The following IPCEF1 variants were observed in gnomAD, a reference collection of about 807,000 sequenced individuals.
The protein encoded by IPCEF1 is interactor protein for cytohesin exchange factors 1.
IPCEF1 carries 31 observed loss-of-function variants against 50.9 expected under a neutral mutation model. That is an observed-to-expected ratio of 0.61 (90% CI 0.46 to 0.82). IPCEF1 has a LOEUF of 0.82. IPCEF1 is among the 40% of genes least tolerant of loss of function. The pLI, the probability that IPCEF1 is intolerant of heterozygous loss-of-function variation, is 0.00. For synonymous variants in IPCEF1, 181 were observed against 192.0 expected (o/e 0.94, Z 0.47); for missense variants, 458 against 514.0 (o/e 0.89, Z 1.05).
At chr6:154,353,293 C>CTTTTTTTT (rs914097422) in intron 1 of IPCEF1, among the ~76,000 whole-genome samples, 6 of 127,858 alleles carry the variant, frequency 4.7e-5, no homozygotes, top group East Asian at 2.2e-4. Flanking sequence ...TTTCCTTTTC[C>CTTTTTTTT]TTTTTTTTTT....
At chr6:154,227,554 G>A (rs1188787971) in intron 5 of IPCEF1, among the ~76,000 whole-genome samples, 1 of 151,936 alleles carries the variant, frequency 6.6e-6, no homozygotes, top group African/African-American at 2.4e-5. Flanking sequence ...TCCCATCTCT[G>A]CAAAAGTATA....
intron 1 of IPCEF1, among the ~76,000 whole-genome samples, chr6:154,332,311 T>C (rs1227636820): frequency 3.3e-5 from 5 of 151,692 alleles, no homozygotes; most frequent in Non-Finnish European, 5.9e-5. Context: ...TTTTTACTGT[T>C]TTTTTAGAGA....
At chr6:154,289,511 T>C (rs1782457723) in intron 2 of IPCEF1, among the ~76,000 whole-genome samples, 1 of 151,602 alleles carries the variant, frequency 6.6e-6, no homozygotes, top group Non-Finnish European at 1.5e-5. Context: ...ATTCTCCCAC[T>C]GAAAAATAAT....
rs762062923 is a variant in IPCEF1, at chr6:154,199,942, A to C, written c.636T>G (p.Pro212=). 3 of 1,614,212 alleles carry C rather than the reference A, an allele frequency of 1.9e-6. No homozygotes were observed. The highest frequency in any genetic ancestry group is 1.7e-6 in the Non-Finnish European group (2 of 1,180,030). ...ENTVKTPSSF[P]SSLSKERQSL... Reference sequence around the variant, plus strand: ...ATTGTCTCTCTTTAGATAAGGAGGAAGGAAAACTGCTGGGTGTCTTCACTG... The same window carrying C: ...ATTGTCTCTCTTTAGATAAGGAGGACGGAAAACTGCTGGGTGTCTTCACTG... The change falls in exon 10 of 12, where the codon CCT becomes CCG. Residue 212 remains proline (P), a synonymous_variant. Coordinates refer to ENST00000367220, the MANE Select transcript of IPCEF1 (RefSeq NM_001130700.2).
In IPCEF1 at chr6:154,157,469, TCTTGA is replaced by T. The variant is rs1798762368; in HGVS notation, c.*2354_*2358del. Reference sequence around the variant, plus strand: ...AAAGCAAAAACTTCTAGGCTAATGTTCTTGACTTTGAAAAATAAATTTAAGCCTTG... The same window carrying T: ...AAAGCAAAAACTTCTAGGCTAATGTTCTTTGAAAAATAAATTTAAGCCTTG... On this transcript the variant is annotated 3_prime_UTR_variant, in exon 12 of 12. Transcript: ENST00000367220. 6.6e-6 allele frequency: 1 copy of T among 152,238 alleles called. No individual in the cohort carries two copies. Among genetic ancestry groups the T allele is most frequent in the Non-Finnish European group, 1.5e-5 (1 of 68,038 alleles). 9.4% of individuals were successfully genotyped at this position (152,238 alleles called of 1,614,324 possible). A position where few individuals can be genotyped will look rare whatever the true frequency, so the allele number is the denominator to read the frequency against.
At chr6:154,334,805 A>G (rs1422776965) in intron 1 of IPCEF1, among the ~76,000 whole-genome samples, 5 of 152,094 alleles carry the variant, frequency 3.3e-5, no homozygotes, top group Non-Finnish European at 5.9e-5. Flanking sequence ...ACAACTCAGT[A>G]TTTGTATTGT....
At chr6:154,268,659 C>T (rs1199191100) in intron 2 of IPCEF1, among the ~76,000 whole-genome samples, 2 of 152,060 alleles carry the variant, frequency 1.3e-5, no homozygotes, top group Admixed American at 6.5e-5. Context: ...TGAAAACTTC[C>T]TACAAGTGAG....
intron 10 of IPCEF1, among the ~76,000 whole-genome samples, chr6:154,178,986 T>C (rs1421929105): frequency 6.6e-6 from 1 of 152,166 alleles, no homozygotes; most frequent in Non-Finnish European, 1.5e-5. Context: ...TGTCATAATC[T>C]AAGAGGTCTA....
intron 2 of IPCEF1, among the ~76,000 whole-genome samples, chr6:154,273,955 T>G (rs1210689667): frequency 2.0e-5 from 3 of 150,926 alleles, no homozygotes; most frequent in Non-Finnish European, 3.0e-5. Context: ...GGGTTTCACC[T>G]TGTTAGCCAG....
intron 10 of IPCEF1, among the ~76,000 whole-genome samples, chr6:154,199,280 A>G (rs1313028993): frequency 6.6e-6 from 1 of 152,248 alleles, no homozygotes; most frequent in Non-Finnish European, 1.5e-5. Context: ...ATCTAAGCTC[A>G]TTTTGAACTA....
chr6:154,294,541 G>A (rs1562582802), intron 1 of IPCEF1, among the ~76,000 whole-genome samples: 1 of 152,122 alleles, frequency 6.6e-6, no homozygotes, highest in Non-Finnish European at 1.5e-5. Flanking sequence ...CTGTGCACAG[G>A]GAGGTGTGTG....
intron 1 of IPCEF1, among the ~76,000 whole-genome samples, chr6:154,304,388 C>T (rs1471959387): frequency 6.6e-6 from 1 of 152,106 alleles, no homozygotes; most frequent in African/African-American, 2.4e-5. Flanking sequence ...TTCCTGAAAT[C>T]ACTCTCTTTT....
In IPCEF1 at chr6:154,322,373, AACAC is replaced by A. The variant is rs3039689; in HGVS notation, c.-61-32621_-61-32618del. Among the ~76,000 whole-genome samples the A allele has an allele frequency of 1.4e-3, 172 of 123,836 alleles. 2 individuals carry two copies. The highest frequency in any genetic ancestry group is 0.013 in the Admixed American group (147 of 11,310). The allele number at this position is 123,836 out of a possible 152,430, so 81.2% of individuals were successfully genotyped here. On this transcript the variant is annotated intron_variant, in intron 1 of 11. Transcript: ENST00000367220. ...CTCTACAAAAAGTTTAAAAATTTTAAACACACACACACACACACACACACACACA... is the reference window on the plus strand; with the variant it reads ...CTCTACAAAAAGTTTAAAAATTTTAAACACACACACACACACACACACACA...
At chr6:154,300,240 A>G (rs1329471437) in intron 1 of IPCEF1, among the ~76,000 whole-genome samples, 1 of 141,974 alleles carries the variant, frequency 7.0e-6, no homozygotes, top group Non-Finnish European at 1.6e-5. Context: ...TGATTCTTCA[A>G]CTGAGCCTCT....
chr6:154,263,290 C>T (rs1244718246), intron 3 of IPCEF1, among the ~76,000 whole-genome samples: 1 of 145,648 alleles, frequency 6.9e-6, no homozygotes, highest in African/African-American at 2.6e-5. Flanking sequence ...GTGTTTCTCG[C>T]AGAGGGGGAT....
chr6:154,176,097 A>G (rs1800303566), intron 10 of IPCEF1, among the ~76,000 whole-genome samples: 1 of 152,222 alleles, frequency 6.6e-6, no homozygotes, highest in Admixed American at 6.5e-5. Context: ...ATAGATGCAG[A>G]AAAGGCCTTC....
chr6:154,180,406 A>T lies in IPCEF1; in HGVS notation c.911-12293T>A, dbSNP rs1441533093. On this transcript the variant is annotated intron_variant, in intron 10 of 11. Transcript: ENST00000367220. The stretch of plus-strand genomic sequence containing the variant: ...AACAACTATATATATATATATATAT[A>T]TATATATATTTTTTTTTTAAACATG... 7.6e-5 allele frequency among the ~76,000 whole-genome samples: 3 copies of T among 39,356 alleles called. 1 individual carries two copies. The highest frequency in any genetic ancestry group is 1.7e-4 in the Non-Finnish European group (3 of 18,034). 25.8% of individuals were successfully genotyped at this position (39,356 alleles called of 152,430 possible).
intron 1 of IPCEF1, among the ~76,000 whole-genome samples, chr6:154,327,709 C>T (rs1258574644): frequency 6.6e-6 from 1 of 152,182 alleles, no homozygotes; most frequent in Non-Finnish European, 1.5e-5. Flanking sequence ...ACCCAGCAAT[C>T]CCATTACTGG....
At chr6:154,342,450 G>A (rs1783937114) in intron 1 of IPCEF1, among the ~76,000 whole-genome samples, 1 of 152,040 alleles carries the variant, frequency 6.6e-6, no homozygotes, top group South Asian at 2.1e-4. Context: ...CTCCCTACAT[G>A]CCTTCCCCCT....
Sources: gnomAD v4.1 joint callset for allele counts (sites outside exome capture counted in the v4.1 genomes callset) on GRCh38, gnomAD v4.1.1 for gene constraint, MANE v1.5 for transcripts, NCBI Gene and HGNC (gene_info 2026-07-23, HGNC 2026-07-21) for gene names.